MTMR14: variants seen among roughly 807,000 people sequenced by gnomAD.
The protein encoded by MTMR14 is phosphatidylinositol-3,5-bisphosphate 3-phosphatase MTMR14.
A neutral mutation model predicts 86.3 loss-of-function variants in MTMR14; 48 were observed. The observed-to-expected ratio is 0.56, with a 90% CI of 0.44 to 0.71. MTMR14 has a LOEUF of 0.71. Ranked by LOEUF, MTMR14 falls within the 30% of genes least tolerant of loss-of-function variation. The pLI is 0.00. For synonymous variants in MTMR14, 366 were observed against 326.1 expected (o/e 1.12, Z -1.32); for missense variants, 780 against 834.6 (o/e 0.93, Z 0.81).
At chr3:9,682,659 G>A (rs973861474) in intron 9 of MTMR14, among the ~76,000 whole-genome samples, 1 of 152,210 alleles carries the variant, frequency 6.6e-6, no homozygotes, top group African/African-American at 2.4e-5. Flanking sequence ...TCAAAAGATA[G>A]TATGCAGTAA....
Position 9,683,098 on chromosome 3 carries a change from A to G in MTMR14, c.898-80A>G, listed in dbSNP as rs1179557234. 9 of 1,377,708 alleles carry G rather than the reference A, an allele frequency of 6.5e-6. No individual in the cohort carries two copies. The East Asian group carries it at 2.1e-4, about 32-fold the overall frequency. The allele number at this position is 1,377,708 out of a possible 1,614,324, so 85.3% of individuals were successfully genotyped here. A position where few individuals can be genotyped will look rare whatever the true frequency, so the allele number is the denominator to read the frequency against. On this transcript the variant is annotated intron_variant, in intron 9 of 18. Coordinates refer to ENST00000296003, the MANE Select transcript of MTMR14 (RefSeq NM_001077525.3). ...CTTGTGTAGTTGTTGCCCCAGAATA[A>G]CTCTTGGCATTTTATTTTTTAAATA... is the stretch of plus-strand genomic sequence containing the variant.
At chr3:9,689,194 G>T (rs1395290266) in intron 16 of MTMR14, 112 bp downstream of exon 16, 9 of 1,478,358 alleles carry the variant, frequency 6.1e-6, no homozygotes, top group Non-Finnish European at 8.3e-6. Context: ...GAGAAGAGCT[G>T]AGAGGATAGC....
At position 9,662,465 on chromosome 3, in the gene MTMR14, A is replaced by G. The variant is rs1329502963; in HGVS notation, c.417+90A>G. 3.8e-6 allele frequency: 4 copies of G among 1,051,580 alleles called. No homozygotes were observed. In the African/African-American group the frequency reaches 4.7e-5, roughly 12 times the overall value. 65.1% of individuals were successfully genotyped at this position (1,051,580 alleles called of 1,614,324 possible). ...GTATAGGGTCTTTTTTTCCCTCAAC[A>G]TTAGTAGCCAAGCATTGGGTGGTTA... On this transcript the variant is annotated intron_variant, in intron 3 of 18. Transcript: ENST00000296003.
At chr3:9,670,063 G>T (rs556863340) in intron 5 of MTMR14, among the ~76,000 whole-genome samples, 1 of 152,320 alleles carries the variant, frequency 6.6e-6, no homozygotes, top group East Asian at 1.9e-4. Flanking sequence ...CTTGCTATCC[G>T]CTTTCCAAAT....
intron 2 of MTMR14, chr3:9,659,793 C>T (rs975380381): frequency 1.1e-5 from 5 of 456,532 alleles, no homozygotes; most frequent in African/African-American, 4.0e-5. Flanking sequence ...AACCACTGGC[C>T]GACCTAACAA....
chr3:9,655,683 G>A (rs920991393), intron 2 of MTMR14, among the ~76,000 whole-genome samples: 7 of 150,848 alleles, frequency 4.6e-5, no homozygotes, highest in Non-Finnish European at 1.0e-4. Flanking sequence ...GGCTGGTCTC[G>A]AACCCCTGAC....
At chr3:9,689,657 C>T (rs187791454) in intron 16 of MTMR14, among the ~76,000 whole-genome samples, 14 of 152,220 alleles carry the variant, frequency 9.2e-5, no homozygotes, top group Non-Finnish European at 1.3e-4. Flanking sequence ...AATGAGACCC[C>T]GTCTTTTAGA....
Position 9,671,029 on chromosome 3 carries a change from C to T in MTMR14, c.555-19C>T, listed in dbSNP as rs769803649. On this transcript the variant is annotated intron_variant, in intron 5 of 18. Transcript: ENST00000296003. Reference sequence around the variant, plus strand: ...AGTGAACATGCCATGTAACTTCTCCCTCTGGCTCTTTATTTCAGAAGTGGT... The same window carrying T: ...AGTGAACATGCCATGTAACTTCTCCTTCTGGCTCTTTATTTCAGAAGTGGT... 54 of 1,613,916 alleles carry T rather than the reference C, an allele frequency of 3.3e-5. No homozygotes were observed. The highest frequency in any genetic ancestry group is 2.2e-5 in the East Asian group (1 of 44,896).
intron 5 of MTMR14, 27 bp downstream of exon 5, chr3:9,669,519 G>A (rs1319176761): frequency 1.2e-6 from 2 of 1,605,968 alleles, no homozygotes; most frequent in Admixed American, 1.7e-5. Flanking sequence ...TGTGGTCAGG[G>A]GCTTGTGTTG....
chr3:9,653,149 C>T (rs1574917418), intron 1 of MTMR14, among the ~76,000 whole-genome samples: 3 of 152,308 alleles, frequency 2.0e-5, no homozygotes, highest in South Asian at 2.1e-4. Flanking sequence ...ACAGGAGAAT[C>T]GCTTGAACCC....
In MTMR14 at chr3:9,677,427, T is replaced by G; in HGVS notation, c.822+40T>G. 6.4e-7 allele frequency: 1 copy of G among 1,574,544 alleles called. No homozygotes were observed. Among genetic ancestry groups the G allele is most frequent in the Non-Finnish European group, 8.7e-7 (1 of 1,144,188 alleles). On this transcript the variant is annotated intron_variant, in intron 8 of 18. Coordinates refer to ENST00000296003, the MANE Select transcript of MTMR14 (RefSeq NM_001077525.3). This position sits in a 1 kb window ranked among gnomAD's most constrained non-coding sequence, Gnocchi z 4.2. Reference sequence around the variant, plus strand: ...ATACATCAAATTGGATCTATGTCTCTTTGTAAAGGGAGGCCAAGGAGAACA... The same window carrying G: ...ATACATCAAATTGGATCTATGTCTCGTTGTAAAGGGAGGCCAAGGAGAACA...
At chr3:9,700,004 G>A (rs2076403744) in intron 18 of MTMR14, 1 of 152,234 alleles carries the variant, frequency 6.6e-6, no homozygotes, top group African/African-American at 2.4e-5. Flanking sequence ...CATGTTCTTA[G>A]TGCTGCTGCA....
chr3:9,683,013 A>G (rs1221041640), intron 9 of MTMR14, among the ~76,000 whole-genome samples, 165 bp from the exon 10 acceptor site: 3 of 149,016 alleles, frequency 2.0e-5, no homozygotes, highest in Non-Finnish European at 4.5e-5. Flanking sequence ...GCTGCTGGAG[A>G]TGGAATACGA....
In MTMR14 at chr3:9,677,349, G is replaced by T; in HGVS notation, c.784G>T (p.Asp262Tyr). ...CEFFKEYKDR[D>Y]YMAEGLIFNW... ...ATTTTTCAAGGAATATAAAGATCGG[G>T]ATTACATGGCAGAAGGGCTCATATT... Residue 262 changes from aspartate to tyrosine, a missense_variant, in exon 8 of 19, where the codon GAT becomes TAT. By Grantham distance (160) the Asp-to-Tyr change is radical. Coordinates refer to ENST00000296003, the MANE Select transcript of MTMR14 (RefSeq NM_001077525.3). This position sits in a 1 kb window ranked among gnomAD's most constrained non-coding sequence, Gnocchi z 4.2. 1 of 1,614,082 alleles carries T rather than the reference G, an allele frequency of 6.2e-7. No homozygotes were observed. The highest frequency in any genetic ancestry group is 8.5e-7 in the Non-Finnish European group (1 of 1,179,970).
chr3:9,701,442 G>A lies in MTMR14; in HGVS notation c.1770-348G>A, dbSNP rs1429894949. On this transcript the variant is annotated intron_variant, in intron 18 of 18. Coordinates refer to ENST00000296003, the MANE Select transcript of MTMR14 (RefSeq NM_001077525.3). This position sits in a 1 kb window ranked among gnomAD's most constrained non-coding sequence, Gnocchi z 4.2. ...TCCCAGCTACTTGAGGGGCTGAGGT[G>A]GGAGGATGGCTTGAGGCTACAGTGA... The A allele has an allele frequency of 6.3e-6, 2 of 318,096 alleles. No homozygotes were observed. The highest frequency in any genetic ancestry group is 1.2e-5 in the Non-Finnish European group (2 of 168,204). The allele number at this position is 318,096 out of a possible 1,614,324, so 19.7% of individuals were successfully genotyped here. A position where few individuals can be genotyped will look rare whatever the true frequency, so the allele number is the denominator to read the frequency against.
chr3:9,678,076 A>G lies in MTMR14; in HGVS notation c.897+18A>G. On this transcript the variant is annotated intron_variant, in intron 9 of 18. Coordinates refer to ENST00000296003, the MANE Select transcript of MTMR14 (RefSeq NM_001077525.3). ...AGTATCAGGTGAGGGGCCTGACTCAAGCATTGAGGGCAGGATAAGGGAGTG... is the reference window on the plus strand; with the variant it reads ...AGTATCAGGTGAGGGGCCTGACTCAGGCATTGAGGGCAGGATAAGGGAGTG... The G allele has an allele frequency of 6.2e-7, 1 of 1,613,510 alleles. No homozygotes were observed. Among genetic ancestry groups the G allele is most frequent in the Non-Finnish European group, 8.5e-7 (1 of 1,179,674 alleles).
intron 9 of MTMR14, among the ~76,000 whole-genome samples, chr3:9,682,335 C>G (rs1408794477): frequency 6.6e-6 from 1 of 152,186 alleles, no homozygotes; most frequent in Non-Finnish European, 1.5e-5. Context: ...CCCCCTCCCC[C>G]TGGGAAGTGC....
chr3:9,663,317 G>A (rs1174954869), intron 3 of MTMR14, among the ~76,000 whole-genome samples: 2 of 151,802 alleles, frequency 1.3e-5, no homozygotes, highest in African/African-American at 4.8e-5. Context: ...TTTGTAAATT[G>A]GGAAAGAGGA....
chr3:9,650,292 G>T (rs574728010), intron 1 of MTMR14: 1 of 456,530 alleles, frequency 2.2e-6, no homozygotes, highest in Admixed American at 2.4e-5. Context: ...GCAGGTCTCC[G>T]TTCCTCTTTT....
Sources: allele counts gnomAD v4.1 joint callset (sites outside exome capture counted in the v4.1 genomes callset), GRCh38; gene constraint gnomAD v4.1.1; non-coding constraint Gnocchi (gnomAD v3.1); transcripts MANE v1.5; gene names NCBI Gene and HGNC (gene_info 2026-07-23, HGNC 2026-07-21).